The following PKIB variants were observed in gnomAD, a reference collection of about 807,000 sequenced individuals.
The protein encoded by PKIB is cAMP-dependent protein kinase inhibitor beta, also known as PKI-beta.
Under a neutral mutation model 4.5 loss-of-function variants are expected in PKIB, and 2 were observed. The ratio of observed to expected loss-of-function variants is 0.44; its 90% CI spans 0.18 to 1.39. The LOEUF (loss-of-function observed/expected upper bound fraction) is 1.39, where lower values mean the gene tolerates loss of function less well. Ranked by LOEUF, PKIB falls within the 40% of genes most tolerant of loss-of-function variation. PKIB has a pLI of 0.27. For synonymous variants in PKIB, 38 were observed against 36.0 expected (o/e 1.06, Z -0.20); for missense variants, 94 against 92.6 (o/e 1.02, Z -0.06).
intron 2 of PKIB, among the ~76,000 whole-genome samples, chr6:122,513,989 C>G (rs912590450): frequency 5.3e-5 from 8 of 152,214 alleles, no homozygotes; most frequent in African/African-American, 9.6e-5. Context: ...AGCATTTGCA[C>G]TAACAGCATC....
intron 3 of PKIB, among the ~76,000 whole-genome samples, chr6:122,690,433 C>T (rs1778282679): frequency 6.6e-6 from 1 of 151,936 alleles, no homozygotes; most frequent in Non-Finnish European, 1.5e-5. Context: ...TTTCAGGTTA[C>T]CATGAGGATT....
chr6:122,612,077 T>C (rs1313928669), intron 1 of PKIB, among the ~76,000 whole-genome samples: 1 of 152,216 alleles, frequency 6.6e-6, no homozygotes, highest in Non-Finnish European at 1.5e-5. Flanking sequence ...TTTTAAAATG[T>C]GTCAAATTTC....
intron 3 of PKIB, among the ~76,000 whole-genome samples, chr6:122,590,591 C>A (rs1773989601): frequency 6.6e-6 from 1 of 152,110 alleles, no homozygotes; most frequent in African/African-American, 2.4e-5. Flanking sequence ...AAATGATAGC[C>A]TTTTATTAGT....
intron 3 of PKIB, among the ~76,000 whole-genome samples, chr6:122,682,237 A>C (rs563807693): frequency 6.6e-6 from 1 of 152,170 alleles, no homozygotes; most frequent in East Asian, 1.9e-4. Flanking sequence ...GTAAAATTAT[A>C]CTTGTTACAA....
intron 3 of PKIB, among the ~76,000 whole-genome samples, chr6:122,682,467 C>T (rs1472326351): frequency 6.6e-6 from 1 of 152,050 alleles, no homozygotes; most frequent in East Asian, 1.9e-4. Flanking sequence ...GTATTTAATT[C>T]ACAAAAATGC....
chr6:122,636,774 A>G (rs983662358), intron 2 of PKIB, among the ~76,000 whole-genome samples: 4 of 152,162 alleles, frequency 2.6e-5, no homozygotes, highest in Non-Finnish European at 5.9e-5. Context: ...AAAAAAGAAG[A>G]AAGTTGAAAC....
At chr6:122,558,476 C>T (rs961808130) in intron 2 of PKIB, among the ~76,000 whole-genome samples, 1 of 152,100 alleles carries the variant, frequency 6.6e-6, no homozygotes, top group Admixed American at 6.6e-5. Context: ...CTATGGCAGC[C>T]CATCCAAACC....
intron 3 of PKIB, 79 bp from the exon 4 acceptor site, chr6:122,717,708 A>G: frequency 7.2e-7 from 1 of 1,390,540 alleles, no homozygotes; most frequent in Non-Finnish European, 1.0e-6. Context: ...TTTTTGATCT[A>G]GCCATGCCTT....
At chr6:122,586,175 C>A (rs1003024729) in intron 3 of PKIB, 1 of 152,128 alleles carries the variant, frequency 6.6e-6, no homozygotes, top group Admixed American at 6.6e-5. Flanking sequence ...GAGAGTGCTT[C>A]AAGTTTCCAC....
chr6:122,595,588 A>G (rs191507335), intron 3 of PKIB, among the ~76,000 whole-genome samples: 3 of 152,296 alleles, frequency 2.0e-5, no homozygotes, highest in Admixed American at 6.5e-5. Flanking sequence ...TGCCCTTTCC[A>G]TGATGGAAGA....
intron 3 of PKIB, among the ~76,000 whole-genome samples, chr6:122,681,692 AAT>A (rs1777901182): frequency 6.6e-6 from 1 of 152,220 alleles, no homozygotes; most frequent in African/African-American, 2.4e-5. Context: ...GAAAGAGAAA[AAT>A]ATGTCATAAT....
At chr6:122,672,100 G>T (rs1286121128) in intron 2 of PKIB, among the ~76,000 whole-genome samples, 1 of 152,128 alleles carries the variant, frequency 6.6e-6, no homozygotes, top group African/African-American at 2.4e-5. Flanking sequence ...AATATTTTTA[G>T]CTACATTATT....
intron 2 of PKIB, among the ~76,000 whole-genome samples, chr6:122,524,898 T>A (rs1316251547): frequency 6.6e-6 from 1 of 151,714 alleles, no homozygotes; most frequent in Non-Finnish European, 1.5e-5. Context: ...ATTTTTTTGA[T>A]CTTTTGTAAA....
intron 3 of PKIB, among the ~76,000 whole-genome samples, chr6:122,679,165 G>A (rs1007284263): frequency 2.0e-5 from 3 of 152,230 alleles, no homozygotes; most frequent in Non-Finnish European, 4.4e-5. Context: ...GTGAAGAGAA[G>A]CCTTGGAGGA....
intron 1 of PKIB, among the ~76,000 whole-genome samples, chr6:122,630,558 T>C (rs1263665901): frequency 1.3e-5 from 2 of 152,130 alleles, no homozygotes; most frequent in Non-Finnish European, 2.9e-5. Flanking sequence ...GTTTAATGGG[T>C]ATGAAATTTC....
chr6:122,581,785 T>C (rs1773711907), intron 2 of PKIB: 1 of 152,024 alleles, frequency 6.6e-6, no homozygotes, highest in Admixed American at 6.6e-5. Flanking sequence ...AAATCTTTAA[T>C]TGTGCCAGAT....
At chr6:122,655,073 C>CA (rs1776712952) in intron 2 of PKIB, among the ~76,000 whole-genome samples, 1 of 152,088 alleles carries the variant, frequency 6.6e-6, no homozygotes, top group African/African-American at 2.4e-5. Flanking sequence ...TTGCAACCTC[C>CA]ACCCCCAGGG....
chr6:122,634,962 T>C (rs2114831205), intron 2 of PKIB, among the ~76,000 whole-genome samples: 1 of 150,908 alleles, frequency 6.6e-6, no homozygotes. Context: ...AAAAAAAGAA[T>C]AGCATGTCTT....
At chr6:122,535,712 C>A (rs1777386557) in intron 2 of PKIB, among the ~76,000 whole-genome samples, 1 of 152,080 alleles carries the variant, frequency 6.6e-6, no homozygotes, top group Non-Finnish European at 1.5e-5. Context: ...TAAGTTTAAG[C>A]CCTAGCTCTA....
Sources: allele counts gnomAD v4.1 joint callset (sites outside exome capture counted in the v4.1 genomes callset), GRCh38; gene constraint gnomAD v4.1.1; transcripts MANE v1.5; gene names NCBI Gene and HGNC (gene_info 2026-07-23, HGNC 2026-07-21).